SCGN: variants seen among roughly 807,000 people sequenced by gnomAD.
SCGN encodes secretagogin, EF-hand calcium binding protein, also known as secretagogin.
Under a neutral mutation model 39.7 loss-of-function variants are expected in SCGN, and 30 were observed. That is an observed-to-expected ratio of 0.76 (90% confidence interval 0.57 to 1.03). SCGN has a LOEUF of 1.03. SCGN is among the 50% of genes least tolerant of loss of function. The pLI is 0.00. For missense variants in SCGN, 353 were observed against 349.4 expected (o/e 1.01, Z -0.08); for synonymous variants, 106 against 114.1 (o/e 0.93, Z 0.45).
intron 7 of SCGN, among the ~76,000 whole-genome samples, chr6:25,686,459 C>T (rs1273942529): frequency 6.6e-6 from 1 of 152,078 alleles, no homozygotes; most frequent in Non-Finnish European, 1.5e-5. Context: ...GCATTTCGAA[C>T]ATTTTTTATG....
At chr6:25,653,594 A>G (rs1484230585) in intron 2 of SCGN, 142 bp downstream of exon 2, 16 of 627,426 alleles carry the variant, frequency 2.6e-5, no homozygotes, top group Non-Finnish European at 4.1e-5. Context: ...TCTCCTAGCA[A>G]CATAGAGGGA....
chr6:25,653,046 A>G (rs1231193892), intron 1 of SCGN, among the ~76,000 whole-genome samples: 1 of 152,244 alleles, frequency 6.6e-6, no homozygotes. Flanking sequence ...GGGATTCAAT[A>G]CTTACACCTG....
At chr6:25,673,987 A>T (rs1472722847) in intron 6 of SCGN, among the ~76,000 whole-genome samples, 1 of 152,144 alleles carries the variant, frequency 6.6e-6, no homozygotes, top group East Asian at 1.9e-4. Flanking sequence ...AGAGAGAGAG[A>T]GCCGAGGAGG....
chr6:25,652,623 A>G, intron 1 of SCGN, 138 bp downstream of exon 1: 3 of 663,456 alleles, frequency 4.5e-6, no homozygotes, highest in Non-Finnish European at 7.7e-6. Flanking sequence ...CTAATACAGT[A>G]TCATTAACAG....
At chr6:25,662,903 C>G (rs1031262870) in intron 3 of SCGN, among the ~76,000 whole-genome samples, 8 of 152,202 alleles carry the variant, frequency 5.3e-5, no homozygotes, top group South Asian at 2.1e-4. Context: ...GAACCTGGAA[C>G]AGAGCATAGC....
At chr6:25,667,267 C>CT (rs915088896) in intron 4 of SCGN, among the ~76,000 whole-genome samples, 7 of 151,896 alleles carry the variant, frequency 4.6e-5, no homozygotes, top group African/African-American at 1.7e-4. Context: ...CTTATCTTAT[C>CT]TTTTTTTTAA....
At chr6:25,693,312 C>T (rs796194635) in intron 10 of SCGN, among the ~76,000 whole-genome samples, 6 of 151,570 alleles carry the variant, frequency 4.0e-5, no homozygotes, top group South Asian at 2.1e-4. Flanking sequence ...ATTAGCTGGG[C>T]GTGGTGGTGG....
At chr6:25,671,155 G>A (rs1256889037) in intron 6 of SCGN, among the ~76,000 whole-genome samples, 1 of 152,132 alleles carries the variant, frequency 6.6e-6, no homozygotes, top group Non-Finnish European at 1.5e-5. Context: ...CTTTTAATTG[G>A]TGTTTCCAAA....
intron 2 of SCGN, among the ~76,000 whole-genome samples, chr6:25,655,166 C>G (rs1211169638): frequency 6.6e-6 from 1 of 152,208 alleles, no homozygotes; most frequent in Non-Finnish European, 1.5e-5. Context: ...TAAAACCATT[C>G]AAAATCTTGG....
chr6:25,663,500 A>T (rs937202639), intron 3 of SCGN, among the ~76,000 whole-genome samples: 3 of 152,232 alleles, frequency 2.0e-5, no homozygotes, highest in Non-Finnish European at 4.4e-5. Context: ...GTTCCTAAAC[A>T]ATTTATAAAT....
At chr6:25,669,955 A>G in intron 5 of SCGN, 44 bp from the exon 6 acceptor site, 8 of 1,473,190 alleles carry the variant, frequency 5.4e-6, no homozygotes, top group Non-Finnish European at 7.6e-6. Flanking sequence ...TTTGCAGTTT[A>G]TTTGCTCACT....
intron 10 of SCGN, among the ~76,000 whole-genome samples, chr6:25,691,693 C>T (rs1759775588): frequency 6.6e-6 from 1 of 152,160 alleles, no homozygotes; most frequent in South Asian, 2.1e-4. Flanking sequence ...ACTGTATTGA[C>T]CAGCTACATG....
chr6:25,692,485 T>C (rs528066194), intron 10 of SCGN, among the ~76,000 whole-genome samples: 1 of 152,136 alleles, frequency 6.6e-6, no homozygotes, highest in Non-Finnish European at 1.5e-5. Flanking sequence ...TTGGCCTTCT[T>C]CTCTTCCATG....
intron 4 of SCGN, among the ~76,000 whole-genome samples, chr6:25,667,226 G>A (rs1034284775): frequency 6.6e-6 from 1 of 152,112 alleles, no homozygotes; most frequent in Non-Finnish European, 1.5e-5. Flanking sequence ...ACCTTGAGAA[G>A]TGGGAAAATC....
intron 7 of SCGN, among the ~76,000 whole-genome samples, chr6:25,687,167 C>G (rs888635346): frequency 4.6e-5 from 7 of 152,082 alleles, no homozygotes; most frequent in Non-Finnish European, 8.8e-5. Flanking sequence ...TTTGGCTATC[C>G]TGGTTCATTT....
intron 2 of SCGN, 80 bp downstream of exon 2, chr6:25,653,532 A>G (rs1760172624): frequency 9.9e-7 from 1 of 1,011,242 alleles, no homozygotes; most frequent in Non-Finnish European, 1.5e-6. Context: ...ATTGGTACCT[A>G]TTAATTCCAA....
chr6:25,672,547 C>T (rs1348525006), intron 6 of SCGN, among the ~76,000 whole-genome samples: 1 of 152,050 alleles, frequency 6.6e-6, no homozygotes, highest in African/African-American at 2.4e-5. Flanking sequence ...GCACAAGGCC[C>T]CTAGTGCAAG....
At position 25,689,193 on chromosome 6, in the gene SCGN, C is replaced by T; in HGVS notation, c.549C>T (p.Asn183=). The T allele has an allele frequency of 6.3e-7, 1 of 1,590,422 alleles. No individual in the cohort carries two copies. Among genetic ancestry groups the T allele is most frequent in the Non-Finnish European group, 8.6e-7 (1 of 1,164,260 alleles). ...DLARILALQE[N]FLLQFKMDAC... The stretch of plus-strand genomic sequence containing the variant: ...TTAGGATTCTGGCTCTTCAGGAAAA[C>T]TTCCTTCTCCAATTTAAAATGGATG... Residue 183 remains asparagine (N), a synonymous_variant, in exon 8 of 11, where the codon AAC becomes AAT. Coordinates refer to ENST00000377961, the MANE Select transcript of SCGN (RefSeq NM_006998.4).
chr6:25,686,577 T>C (rs765873279), intron 7 of SCGN, among the ~76,000 whole-genome samples: 6 of 152,214 alleles, frequency 3.9e-5, no homozygotes, highest in Admixed American at 3.3e-4. Context: ...ATAAGAGTCC[T>C]GTATATATTC....
Sources: allele counts gnomAD v4.1 joint callset (sites outside exome capture counted in the v4.1 genomes callset), GRCh38; gene constraint gnomAD v4.1.1; transcripts MANE v1.5; gene names NCBI Gene and HGNC (gene_info 2026-07-23, HGNC 2026-07-21).